Variants in MCTP1 observed in about 807,000 individuals in gnomAD.
The protein encoded by MCTP1 is multiple C2 and transmembrane domain containing 1.
In MCTP1, 69 loss-of-function variants were observed where a neutral mutation model predicts 120.6. The ratio of observed to expected loss-of-function variants is 0.57; its 90% confidence interval spans 0.47 to 0.70. The LOEUF (loss-of-function observed/expected upper bound fraction) is 0.70, where lower values mean the gene tolerates loss of function less well. Ranked by LOEUF, MCTP1 falls within the 30% of genes least tolerant of loss-of-function variation. MCTP1 has a pLI of 0.00. For missense variants in MCTP1, 1,203 were observed against 1,248.8 expected (o/e 0.96, Z 0.55); for synonymous variants, 529 against 493.1 (o/e 1.07, Z -0.96).
At chr5:94,748,355 C>T (rs565989497) in intron 19 of MCTP1, among the ~76,000 whole-genome samples, 20 of 152,284 alleles carry the variant, frequency 1.3e-4, no homozygotes, top group African/African-American at 3.4e-4. Context: ...GAAACATTGT[C>T]GAGACAGCAG....
chr5:95,087,765 T>C (rs1342358355), intron 1 of MCTP1, among the ~76,000 whole-genome samples: 1 of 152,128 alleles, frequency 6.6e-6, no homozygotes, highest in African/African-American at 2.4e-5. Context: ...TGGCTCTGCC[T>C]CTCTCATTTC....
At chr5:95,269,989 G>C (rs1759231815) in intron 1 of MCTP1, among the ~76,000 whole-genome samples, 1 of 152,144 alleles carries the variant, frequency 6.6e-6, no homozygotes, top group African/African-American at 2.4e-5. Context: ...CCTTTCAGGG[G>C]ACAAGAAAGC....
At chr5:94,908,325 C>G (rs1334644889) in intron 10 of MCTP1, among the ~76,000 whole-genome samples, 1 of 151,920 alleles carries the variant, frequency 6.6e-6, no homozygotes, top group African/African-American at 2.4e-5. Flanking sequence ...TTTGACCTCT[C>G]ACTATATAAT....
intron 1 of MCTP1, among the ~76,000 whole-genome samples, chr5:95,177,630 T>C (rs138964189): frequency 6.6e-6 from 1 of 152,282 alleles, no homozygotes; most frequent in Non-Finnish European, 1.5e-5. Flanking sequence ...AGACATGCAG[T>C]GAAAGGAGTA....
chr5:94,710,410 T>C (rs1261009474), intron 21 of MCTP1: 1 of 164,524 alleles, frequency 6.1e-6, no homozygotes. Context: ...CAGGCAGCCA[T>C]GTATAGTACC....
intron 1 of MCTP1, among the ~76,000 whole-genome samples, chr5:95,115,624 C>T (rs959496368): frequency 6.6e-6 from 1 of 151,740 alleles, no homozygotes; most frequent in Non-Finnish European, 1.5e-5. Flanking sequence ...ATAAAGCATG[C>T]CTACAGATTC....
At chr5:94,899,820 G>C (rs1046366871) in intron 10 of MCTP1, among the ~76,000 whole-genome samples, 3 of 152,102 alleles carry the variant, frequency 2.0e-5, no homozygotes, top group African/African-American at 7.2e-5. Context: ...ATATTTCCTT[G>C]CATTTCTTCC....
At chr5:95,219,205 C>A (rs546679897) in intron 1 of MCTP1, among the ~76,000 whole-genome samples, 1 of 151,966 alleles carries the variant, frequency 6.6e-6, no homozygotes, top group Non-Finnish European at 1.5e-5. Flanking sequence ...TACGGTGAAA[C>A]CCCGTCTCTA....
intron 4 of MCTP1, among the ~76,000 whole-genome samples, chr5:94,941,179 T>C (rs927520459): frequency 3.9e-5 from 6 of 152,046 alleles, no homozygotes; most frequent in Non-Finnish European, 5.9e-5. Context: ...CTTGATATCC[T>C]TATGCAGAGG....
intron 1 of MCTP1, among the ~76,000 whole-genome samples, chr5:95,198,955 G>A (rs187949735): frequency 1.2e-3 from 184 of 152,244 alleles, no homozygotes; most frequent in East Asian, 7.9e-3. Flanking sequence ...TTTGTTAATG[G>A]TGCTAAGGAC....
intron 1 of MCTP1, chr5:95,081,759 A>C: frequency 8.6e-7 from 1 of 1,163,242 alleles, no homozygotes; most frequent in Non-Finnish European, 1.1e-6. Flanking sequence ...GTTAGTACAG[A>C]TTACATAACA....
chr5:94,813,077 A>G (rs1314200308), intron 17 of MCTP1, among the ~76,000 whole-genome samples: 4 of 152,232 alleles, frequency 2.6e-5, no homozygotes, highest in Non-Finnish European at 1.5e-5. Flanking sequence ...TGCAAATAAT[A>G]TATCTGATTA....
At chr5:94,847,624 G>T (rs1203461317) in intron 17 of MCTP1, among the ~76,000 whole-genome samples, 1 of 145,006 alleles carries the variant, frequency 6.9e-6, no homozygotes. Flanking sequence ...AATCTTTACT[G>T]ATCATATTAA....
At chr5:94,819,917 A>G (rs1017803995) in intron 17 of MCTP1, among the ~76,000 whole-genome samples, 5 of 152,250 alleles carry the variant, frequency 3.3e-5, no homozygotes, top group African/African-American at 9.6e-5. Context: ...TGGGCATCCA[A>G]TGATTAATGA....
At chr5:94,959,535 C>G (rs1422216152) in intron 2 of MCTP1, among the ~76,000 whole-genome samples, 1 of 152,132 alleles carries the variant, frequency 6.6e-6, no homozygotes, top group East Asian at 1.9e-4. Flanking sequence ...TGTCTCAGCC[C>G]AAAACTCCTT....
chr5:95,191,294 A>G (rs541830953), intron 1 of MCTP1, among the ~76,000 whole-genome samples: 2 of 152,114 alleles, frequency 1.3e-5, no homozygotes, highest in East Asian at 3.9e-4. Flanking sequence ...CTAACTATAT[A>G]TTTGTACCCA....
intron 1 of MCTP1, among the ~76,000 whole-genome samples, chr5:95,280,650 A>AT (rs899253708): frequency 1.3e-5 from 2 of 151,642 alleles, no homozygotes; most frequent in African/African-American, 2.4e-5. Flanking sequence ...AGAAAGGGAT[A>AT]TTTTTTTTTC....
chr5:94,837,841 T>A (rs1034302498), intron 17 of MCTP1, among the ~76,000 whole-genome samples: 10 of 152,206 alleles, frequency 6.6e-5, no homozygotes, highest in Non-Finnish European at 2.9e-5. Flanking sequence ...CATGCTCACA[T>A]AAGGCTAAAG....
At chr5:95,084,526 G>T (rs959156704) in intron 1 of MCTP1, among the ~76,000 whole-genome samples, 1 of 150,300 alleles carries the variant, frequency 6.7e-6, no homozygotes, top group African/African-American at 2.4e-5. Context: ...ACTGGCCAAG[G>T]TCTTTGGGTG....
Sources: allele counts gnomAD v4.1 joint callset (sites outside exome capture counted in the v4.1 genomes callset), GRCh38; gene constraint gnomAD v4.1.1; transcripts MANE v1.5; gene names NCBI Gene and HGNC (gene_info 2026-07-23, HGNC 2026-07-21).